The following ARHGAP44 variants were observed in gnomAD, a reference collection of about 807,000 sequenced individuals.
ARHGAP44 encodes the protein Rho GTPase activating protein 44.
ARHGAP44 carries 43 observed loss-of-function variants against 106.8 expected under a neutral mutation model. The observed-to-expected ratio is 0.40, with a 90% CI of 0.32 to 0.52. ARHGAP44 has a LOEUF of 0.52. Ranked by LOEUF, ARHGAP44 falls within the 20% of genes least tolerant of loss-of-function variation. The pLI, the probability that ARHGAP44 is intolerant of heterozygous loss-of-function variation, is 0.48. For missense variants in ARHGAP44, 866 were observed against 1,050.5 expected (o/e 0.82, Z 2.43); for synonymous variants, 439 against 410.3 (o/e 1.07, Z -0.85).
At position 12,980,176 on chromosome 17, in the gene ARHGAP44, G is replaced by C. The variant is rs1567722517; in HGVS notation, c.1882G>C (p.Ala628Pro). The change falls in exon 19 of 21, where the codon GCC becomes CCC. Residue 628 changes from alanine (A) to proline (P), a missense_variant. Physicochemically the swap from Ala to Pro is conservative, Grantham distance 27. Transcript: ENST00000379672. ...GGCTCAACCTGGAGCTCAGCCGGGC[G>C]CCAGCCCCAGCCCCAGCCAGCCGCC... is the stretch of plus-strand genomic sequence containing the variant. Reference protein sequence around the residue: ...PGAQPGAQPGASPSPSQPPAD... With the variant: ...PGAQPGAQPGPSPSPSQPPAD... The C allele has an allele frequency of 6.2e-7, 1 of 1,612,546 alleles. No homozygotes were observed. Among genetic ancestry groups the C allele is most frequent in the African/African-American group, 1.3e-5 (1 of 75,006 alleles).
At chr17:12,969,435 C>T (rs2039472767) in intron 16 of ARHGAP44, among the ~76,000 whole-genome samples, 1 of 152,098 alleles carries the variant, frequency 6.6e-6, no homozygotes, top group East Asian at 1.9e-4. Context: ...TACAACAAAT[C>T]GAAGGAAGAG....
intron 19 of ARHGAP44, among the ~76,000 whole-genome samples, chr17:12,983,446 G>A (rs2039881440): frequency 6.6e-6 from 1 of 152,106 alleles, no homozygotes; most frequent in Non-Finnish European, 1.5e-5. Flanking sequence ...CATCCTATAG[G>A]GAGATTGGGA....
At position 12,949,360 on chromosome 17, in the gene ARHGAP44, G is replaced by C; in HGVS notation, c.973+109G>C. ...ACACTCAAGTCAGTGGCTGCCCAAA[G>C]CACTTCAGATGTGTCCACTCAGTGC... On this transcript the variant is annotated intron_variant, in intron 11 of 20. Coordinates refer to ENST00000379672, the MANE Select transcript of ARHGAP44 (RefSeq NM_014859.6). The surrounding 1 kb of genome is among the most constrained non-coding windows in gnomAD (Gnocchi z 4.1). 8.2e-7 allele frequency: 1 copy of C among 1,223,256 alleles called. No homozygotes were observed. The highest frequency in any genetic ancestry group is 1.1e-6 in the Non-Finnish European group (1 of 870,372). 75.8% of individuals were successfully genotyped at this position (1,223,256 alleles called of 1,614,324 possible). A position where few individuals can be genotyped will look rare whatever the true frequency, so the allele number is the denominator to read the frequency against.
rs528696064 is a variant in ARHGAP44 at position 12,880,861 on chromosome 17, T to G, written c.54-14079T>G. On this transcript the variant is annotated intron_variant, in intron 1 of 20. Coordinates refer to ENST00000379672, the MANE Select transcript of ARHGAP44 (RefSeq NM_014859.6). ...CAATGCTTTTAACAAGTTATCCTTA[T>G]AGTAGTGGGTTCCCATTACTCCATA... 1.1e-3 allele frequency among the ~76,000 whole-genome samples: 167 copies of G among 152,300 alleles called. 1 individual carries two copies. Among genetic ancestry groups the G allele is most frequent in the African/African-American group, 3.9e-3 (163 of 41,574 alleles).
intron 16 of ARHGAP44, among the ~76,000 whole-genome samples, chr17:12,969,479 G>A (rs1014210449): frequency 3.3e-5 from 5 of 152,132 alleles, no homozygotes; most frequent in South Asian, 2.1e-4. Flanking sequence ...AGGATGATTC[G>A]AGGATAATCA....
chr17:12,979,221 C>G (rs2039771048), intron 18 of ARHGAP44, among the ~76,000 whole-genome samples: 1 of 152,156 alleles, frequency 6.6e-6, no homozygotes, highest in Non-Finnish European at 1.5e-5. Context: ...GTAATATCTA[C>G]CATCAGCGTA....
chr17:12,902,094 C>A (rs1229665533), intron 3 of ARHGAP44, among the ~76,000 whole-genome samples: 1 of 152,208 alleles, frequency 6.6e-6, no homozygotes, highest in African/African-American at 2.4e-5. Flanking sequence ...CCTGCCTAAT[C>A]CTGCTCCGGG....
intron 16 of ARHGAP44, among the ~76,000 whole-genome samples, chr17:12,962,430 C>A (rs1313243373): frequency 6.6e-6 from 1 of 152,050 alleles, no homozygotes; most frequent in African/African-American, 2.4e-5. Flanking sequence ...GATCTAAAGA[C>A]CTGGAAACTA....
intron 1 of ARHGAP44, among the ~76,000 whole-genome samples, chr17:12,834,894 T>C (rs930164469): frequency 6.6e-6 from 1 of 152,224 alleles, no homozygotes; most frequent in African/African-American, 2.4e-5. Context: ...ATCCTATAAT[T>C]ATATCTACCA....
chr17:12,955,757 G>T, intron 13 of ARHGAP44, 110 bp from the exon 14 acceptor site: 3 of 644,122 alleles, frequency 4.7e-6, no homozygotes, highest in Non-Finnish European at 5.5e-6. Flanking sequence ...AGGTGCACGA[G>T]TCTCCTAGTC....
Position 12,984,691 on chromosome 17 carries a change from G to A in ARHGAP44, c.2100G>A (p.Leu700=), listed in dbSNP as rs775807497. The part of the protein sequence containing the change: ...YGLSYPQGYS[L]ASGQLSPAAA... Reference sequence around the variant, plus strand: ...TGAGCTACCCTCAGGGGTACTCCTTGGCCTCGGGCCAGCTCTCCCCAGCTG... The same window carrying A: ...TGAGCTACCCTCAGGGGTACTCCTTAGCCTCGGGCCAGCTCTCCCCAGCTG... The change falls in exon 20 of 21, where the codon TTG becomes TTA. Residue 700 remains leucine, a synonymous_variant. Transcript: ENST00000379672. 1.2e-6 allele frequency: 2 copies of A among 1,605,290 alleles called. No homozygotes were observed. The highest frequency in any genetic ancestry group is 1.7e-6 in the Non-Finnish European group (2 of 1,175,424).
At chr17:12,834,569 T>C (rs1367437614) in intron 1 of ARHGAP44, among the ~76,000 whole-genome samples, 1 of 152,196 alleles carries the variant, frequency 6.6e-6, no homozygotes, top group African/African-American at 2.4e-5. Context: ...TTCATTCTAC[T>C]AGTAAGTGTT....
intron 14 of ARHGAP44, 47 bp from the exon 15 acceptor site, chr17:12,956,608 C>A: frequency 6.4e-7 from 1 of 1,555,452 alleles, no homozygotes. Context: ...TCAAAGCTTG[C>A]CTCAGCTGCT....
At chr17:12,932,870 G>T (rs538449008) in intron 7 of ARHGAP44, among the ~76,000 whole-genome samples, 4 of 152,180 alleles carry the variant, frequency 2.6e-5, no homozygotes, top group African/African-American at 9.6e-5. Context: ...ATAGTATACA[G>T]TTTCTATTCT....
intron 3 of ARHGAP44, among the ~76,000 whole-genome samples, chr17:12,908,246 G>T (rs950186452): frequency 3.4e-5 from 5 of 145,644 alleles, no homozygotes; most frequent in Non-Finnish European, 7.4e-5. Flanking sequence ...GCCCAGGCTG[G>T]AGTGCAGTGG....
chr17:12,848,721 A>T (rs895871501), intron 1 of ARHGAP44, among the ~76,000 whole-genome samples: 2 of 152,150 alleles, frequency 1.3e-5, no homozygotes, highest in African/African-American at 4.8e-5. Flanking sequence ...AGTATCATAC[A>T]TTCCTGGAAG....
intron 5 of ARHGAP44, among the ~76,000 whole-genome samples, chr17:12,917,021 TATG>T (rs1291035149): frequency 6.6e-6 from 1 of 152,158 alleles, no homozygotes; most frequent in Non-Finnish European, 1.5e-5. Context: ...AACCGGTAAA[TATG>T]ATGCAAATAT....
intron 18 of ARHGAP44, among the ~76,000 whole-genome samples, chr17:12,978,849 C>T (rs1376455893): frequency 2.6e-5 from 4 of 152,080 alleles, no homozygotes; most frequent in African/African-American, 4.8e-5. Context: ...TCACCACGCC[C>T]AGCTAATTTT....
chr17:12,984,478 G>A (rs1598164217), intron 19 of ARHGAP44, 53 bp from the exon 20 acceptor site: 1 of 1,498,146 alleles, frequency 6.7e-7, no homozygotes, highest in African/African-American at 1.4e-5. Flanking sequence ...CCCCACAAGT[G>A]GCTTCATTCA....
Sources: allele counts gnomAD v4.1 joint callset (sites outside exome capture counted in the v4.1 genomes callset), GRCh38; gene constraint gnomAD v4.1.1; non-coding constraint Gnocchi (gnomAD v3.1); transcripts MANE v1.5; gene names NCBI Gene and HGNC (gene_info 2026-07-23, HGNC 2026-07-21).